The following UGT2A2 variants were observed in gnomAD, a reference collection of about 807,000 sequenced individuals.
The protein encoded by UGT2A2 is UDP-glucuronosyltransferase 2A2.
Under a neutral mutation model 50.7 loss-of-function variants are expected in UGT2A2, and 60 were observed. The ratio of observed to expected loss-of-function variants is 1.18; its 90% CI spans 0.96 to 1.47. The LOEUF is 1.47. UGT2A2 is among the 40% of genes most tolerant of loss of function. UGT2A2 has a pLI of 0.00. For synonymous variants in UGT2A2, 242 were observed against 214.6 expected (o/e 1.13, Z -1.11); for missense variants, 762 against 634.0 (o/e 1.20, Z -2.17).
chr4:69,632,116 T>A (rs1382411945), intron 1 of UGT2A2, among the ~76,000 whole-genome samples: 1 of 152,206 alleles, frequency 6.6e-6, no homozygotes, highest in Non-Finnish European at 1.5e-5. Context: ...TTCCTATGTG[T>A]TTATTTTCAA....
At chr4:69,630,310 T>C (rs1721311746) in intron 1 of UGT2A2, among the ~76,000 whole-genome samples, 2 of 152,068 alleles carry the variant, frequency 1.3e-5, no homozygotes, top group African/African-American at 4.8e-5. Context: ...CTTTAAGCCA[T>C]TTCCTTCTTC....
At chr4:69,611,197 G>A (rs1261201748) in intron 1 of UGT2A2, among the ~76,000 whole-genome samples, 1 of 151,458 alleles carries the variant, frequency 6.6e-6, no homozygotes, top group East Asian at 1.9e-4. Context: ...TCAAGCTGGA[G>A]TGCAGTGGCA....
chr4:69,632,050 TATGTG>T (rs1721418034), intron 1 of UGT2A2, among the ~76,000 whole-genome samples: 1 of 152,188 alleles, frequency 6.6e-6, no homozygotes, highest in Non-Finnish European at 1.5e-5. Context: ...ATTGTTCACT[TATGTG>T]ATGTATATTA....
rs889029642 is a variant in UGT2A2 at position 69,588,673 on chromosome 4, A to G, written c.*699T>C. 2 of 152,058 alleles carry G rather than the reference A, an allele frequency of 1.3e-5. No individual in the cohort carries two copies. Among genetic ancestry groups the G allele is most frequent in the African/African-American group, 4.8e-5 (2 of 41,420 alleles). The allele number at this position is 152,058 out of a possible 1,614,324, so 9.4% of individuals were successfully genotyped here. A position where few individuals can be genotyped will look rare whatever the true frequency, so the allele number is the denominator to read the frequency against. On this transcript the variant is annotated 3_prime_UTR_variant, in exon 6 of 6. Coordinates refer to ENST00000604629, the MANE Select transcript of UGT2A2 (RefSeq NM_001105677.2). ...CTTTCTCCTTGAAATAAAAGAGTCG[A>G]TTGATTGATTTATTAAAGACAGTAC... is the stretch of plus-strand genomic sequence containing the variant.
chr4:69,599,641 GA>G (rs1290275776), intron 1 of UGT2A2: 3 of 402,666 alleles, frequency 7.5e-6, no homozygotes, highest in Non-Finnish European at 1.3e-5. Flanking sequence ...GGGAGGGAGA[GA>G]GAGGAAAGCA....
chr4:69,618,234 T>TGTGA (rs1052591374), intron 1 of UGT2A2, among the ~76,000 whole-genome samples: 2 of 150,744 alleles, frequency 1.3e-5, no homozygotes, highest in African/African-American at 2.4e-5. Context: ...TGTGTGTGTG[T>TGTGA]GTGTATGTGT....
In UGT2A2 at chr4:69,639,589, C is replaced by T. The variant is rs765951014; in HGVS notation, c.52G>A (p.Val18Ile). The part of the protein sequence containing the change: ...TMPKKFVQML[V>I]FNLTLTEVVL... ...ACTTCAGTCAGAGTCAAATTAAAAA[C>T]CAGCATCTGGACAAACTTCTTAGGC... The change falls in exon 1 of 6, where the codon GTT becomes ATT. Residue 18 changes from valine (V) to isoleucine (I), a missense_variant. By Grantham distance (29) the Val-to-Ile change is conservative (BLOSUM62 3). Transcript: ENST00000604629. 2 of 1,609,484 alleles carry T rather than the reference C, an allele frequency of 1.2e-6. No homozygotes were observed. The highest frequency in any genetic ancestry group is 8.5e-7 in the Non-Finnish European group (1 of 1,178,144).
intron 1 of UGT2A2, among the ~76,000 whole-genome samples, chr4:69,623,668 T>C (rs1720881231): frequency 6.6e-6 from 1 of 151,428 alleles, no homozygotes; most frequent in Admixed American, 6.6e-5. Flanking sequence ...TAAAAAATTC[T>C]ATAGTAATAT....
rs771825937 is a variant in UGT2A2 at position 69,589,516 on chromosome 4, G to A, written c.1467C>T (p.Asp489=). Residue 489 remains aspartate (D), a synonymous_variant, in exon 6 of 6, where the codon GAC becomes GAT. Transcript: ENST00000604629. ...GAKHLRVAAH[D]LTWFQYHSLD... is the part of the protein sequence containing the mutation. Reference sequence around the variant, plus strand: ...AAGAGTGGTACTGGAACCAGGTGAGGTCATGGGCTGCAACCCGAAGGTGCT... The same window carrying A: ...AAGAGTGGTACTGGAACCAGGTGAGATCATGGGCTGCAACCCGAAGGTGCT... 1 of 1,614,066 alleles carries A rather than the reference G, an allele frequency of 6.2e-7. No individual in the cohort carries two copies. Among genetic ancestry groups the A allele is most frequent in the Admixed American group, 1.7e-5 (1 of 59,994 alleles).
At position 69,594,488 on chromosome 4, in the gene UGT2A2, A is replaced by T; in HGVS notation, c.1320T>A (p.Ile440=). 6.2e-7 allele frequency: 1 copy of T among 1,614,162 alleles called. No individual in the cohort carries two copies. The highest frequency in any genetic ancestry group is 8.5e-7 in the Non-Finnish European group (1 of 1,180,022). ...GCCTTAGTACTTACGAAGGTTCATT[A>T]ATGACTGTTCTCAAAGCGCTAAGCA... The part of the protein sequence containing the change: ...VDLLSALRTV[I]NEPSYKENAM... The change falls in exon 5 of 6, where the codon ATT becomes ATA. Residue 440 remains isoleucine (I), a synonymous_variant. Coordinates refer to ENST00000604629, the MANE Select transcript of UGT2A2 (RefSeq NM_001105677.2).
chr4:69,600,052 A>T (rs576677461), intron 1 of UGT2A2, among the ~76,000 whole-genome samples: 3 of 152,282 alleles, frequency 2.0e-5, no homozygotes, highest in African/African-American at 7.2e-5. Flanking sequence ...CTTAACAGAA[A>T]AATAAAAGTA....
chr4:69,620,782 A>G (rs1484749106), intron 1 of UGT2A2, among the ~76,000 whole-genome samples: 1 of 151,960 alleles, frequency 6.6e-6, no homozygotes, highest in Non-Finnish European at 1.5e-5. Flanking sequence ...TGGCACTGGT[A>G]CAAAAACAGA....
At position 69,596,338 on chromosome 4, in the gene UGT2A2, A is replaced by G. The variant is rs1170646739; in HGVS notation, c.935T>C (p.Val312Ala). The G allele has an allele frequency of 1.2e-6, 2 of 1,606,720 alleles. No individual in the cohort carries two copies. The highest frequency in any genetic ancestry group is 2.2e-5 in the South Asian group (2 of 90,068). ...FIQSSGKNGV[V>A]VFSLGSMVKN... is the part of the protein sequence containing the mutation. ...GACCATTGATCCCAGAGAAAACACC[A>G]CAACACCATTTTTACCTGAGCTCTG... Residue 312 changes from valine to alanine, a missense_variant, in exon 3 of 6, where the codon GTG becomes GCG. By Grantham distance (64) the Val-to-Ala change is moderately conservative. Coordinates refer to ENST00000604629, the MANE Select transcript of UGT2A2 (RefSeq NM_001105677.2).
At chr4:69,601,978 T>C (rs1719323123) in intron 1 of UGT2A2, among the ~76,000 whole-genome samples, 1 of 136,954 alleles carries the variant, frequency 7.3e-6, no homozygotes, top group Admixed American at 7.2e-5. Context: ...GAATAATTAA[T>C]ATAATCAAGA....
At chr4:69,631,149 G>A (rs750688787) in intron 1 of UGT2A2, among the ~76,000 whole-genome samples, 12 of 151,880 alleles carry the variant, frequency 7.9e-5, no homozygotes, top group Non-Finnish European at 1.6e-4. Flanking sequence ...TCCTATTAAC[G>A]TCTTTTCTTT....
chr4:69,596,142 TACTC>T (rs1718910727), intron 3 of UGT2A2, 104 bp downstream of exon 3: 1 of 1,309,236 alleles, frequency 7.6e-7, no homozygotes, highest in South Asian at 2.9e-5. Flanking sequence ...TTACTAGTGA[TACTC>T]AGTGTATAAT....
Position 69,639,319 on chromosome 4 carries a change from G to T in UGT2A2, c.322C>A (p.Pro108Thr), listed in dbSNP as rs745560269. ...AAAGCCCATATTGTGAGAGGAGTTG[G>T]TCTATGGTCAATCCACAGCATTATC... ...HMIMLWIDHR[P>T]TPLTIWAFYK... is the part of the protein sequence containing the mutation. Residue 108 changes from proline to threonine, a missense_variant, in exon 1 of 6, where the codon CCA becomes ACA. Physicochemically the swap from Pro to Thr is conservative, Grantham distance 38. Transcript: ENST00000604629. 21 of 1,613,584 alleles carry T rather than the reference G, an allele frequency of 1.3e-5. No homozygotes were observed. In the South Asian group the frequency reaches 2.2e-4, roughly 17 times the overall value.
intron 1 of UGT2A2, among the ~76,000 whole-genome samples, chr4:69,638,030 A>G (rs2109966806): frequency 6.6e-6 from 1 of 151,832 alleles, no homozygotes; most frequent in Non-Finnish European, 1.5e-5. Context: ...GAAAGAAGGA[A>G]GGAAAAAAAG....
chr4:69,618,187 A>G (rs1029669242), intron 1 of UGT2A2, among the ~76,000 whole-genome samples: 11 of 144,466 alleles, frequency 7.6e-5, no homozygotes, highest in South Asian at 2.2e-4. Context: ...GCCAGTAAGC[A>G]TGTGTGTGTG....
Sources: allele counts gnomAD v4.1 joint callset (sites outside exome capture counted in the v4.1 genomes callset), GRCh38; gene constraint gnomAD v4.1.1; transcripts MANE v1.5; gene names NCBI Gene and HGNC (gene_info 2026-07-23, HGNC 2026-07-21).